Variants in OSBPL8 observed in about 807,000 individuals in gnomAD.
The protein encoded by OSBPL8 is oxysterol binding protein like 8.
Under a neutral mutation model 125.5 loss-of-function variants are expected in OSBPL8, and 59 were observed. The observed-to-expected ratio is 0.47, with a 90% CI of 0.38 to 0.58. The LOEUF is 0.58. OSBPL8 is among the 20% of genes least tolerant of loss of function. The pLI, the probability that OSBPL8 is intolerant of heterozygous loss-of-function variation, is 0.00. For synonymous variants in OSBPL8, 330 were observed against 338.9 expected, an observed-to-expected ratio of 0.97 and a Z score of 0.29; for missense variants, 758 against 1,047.8, an observed-to-expected ratio of 0.72 and a Z score of 3.82.
intron 1 of OSBPL8, among the ~76,000 whole-genome samples, chr12:76,505,820 A>G (rs1880356938): frequency 1.3e-5 from 2 of 152,216 alleles, no homozygotes; most frequent in African/African-American, 4.8e-5. Context: ...ACAGAAATGT[A>G]ACTAAGCTGC....
At chr12:76,365,254 A>G (rs1050815479) in intron 21 of OSBPL8, among the ~76,000 whole-genome samples, 1 of 152,138 alleles carries the variant, frequency 6.6e-6, no homozygotes, top group African/African-American at 2.4e-5. Context: ...AATCTTAACA[A>G]TATTAACCTT....
At chr12:76,490,251 C>T (rs561395905) in intron 1 of OSBPL8, among the ~76,000 whole-genome samples, 1 of 152,304 alleles carries the variant, frequency 6.6e-6, no homozygotes, top group African/African-American at 2.4e-5. Flanking sequence ...ACGGCAGGTC[C>T]CTGGCAAAAG....
At chr12:76,491,083 C>T (rs1469677715) in intron 1 of OSBPL8, among the ~76,000 whole-genome samples, 1 of 152,212 alleles carries the variant, frequency 6.6e-6, no homozygotes, top group Non-Finnish European at 1.5e-5. Flanking sequence ...ACGTTGTTCA[C>T]TCACTCACTC....
At chr12:76,432,089 T>C (rs1870902601) in intron 4 of OSBPL8, among the ~76,000 whole-genome samples, 1 of 152,154 alleles carries the variant, frequency 6.6e-6, no homozygotes, top group Non-Finnish European at 1.5e-5. Flanking sequence ...TACTTACTGT[T>C]AAGTAATCGA....
At position 76,511,168 on chromosome 12, in the gene OSBPL8, G is replaced by A. The variant is rs75595474; in HGVS notation, c.-67-23550C>T. On this transcript the variant is annotated intron_variant, in intron 1 of 23. Transcript: ENST00000261183. ...CAGATTAGGCATTTAGGTTGATTCC[G>A]TGTCTTCGCCATTATGAACAGCACT... is the stretch of plus-strand genomic sequence containing the variant. Among the ~76,000 whole-genome samples the A allele has an allele frequency of 3.5e-3, 538 of 152,292 alleles. 7 individuals are homozygous for A. The East Asian group carries it at 0.042, about 12-fold the overall frequency.
In OSBPL8 at chr12:76,450,983, C is replaced by T; in HGVS notation, c.85G>A (p.Val29Ile). The T allele has an allele frequency of 6.2e-7, 1 of 1,612,466 alleles. No homozygotes were observed. The highest frequency in any genetic ancestry group is 8.5e-7 in the Non-Finnish European group (1 of 1,179,394). The change falls in exon 4 of 24, where the codon GTA becomes ATA. Residue 29 changes from valine (V) to isoleucine (I), a missense_variant. Physicochemically the swap from Val to Ile is conservative, Grantham distance 29. Transcript: ENST00000261183. ...SKDVLGPSTV[V>I]ANSDESQLLT... The stretch of plus-strand genomic sequence containing the variant: ...AGCTGAGATTCGTCACTGTTTGCTA[C>T]AACAGCTCAAGGAAAGAAGGGAAAA...
At chr12:76,403,451 G>A (rs1392758333) in intron 5 of OSBPL8, among the ~76,000 whole-genome samples, 1 of 152,098 alleles carries the variant, frequency 6.6e-6, no homozygotes, top group Non-Finnish European at 1.5e-5. Context: ...TCATGAAAGG[G>A]AAGCTCAGGA....
At chr12:76,558,677 T>C (rs1951182860) in intron 1 of OSBPL8, among the ~76,000 whole-genome samples, 1 of 152,222 alleles carries the variant, frequency 6.6e-6, no homozygotes, top group African/African-American at 2.4e-5. Flanking sequence ...CGCAGATGTG[T>C]CTCATAAAGA....
chr12:76,372,150 C>T (rs1274515922), intron 18 of OSBPL8, among the ~76,000 whole-genome samples: 1 of 152,042 alleles, frequency 6.6e-6, no homozygotes, highest in Non-Finnish European at 1.5e-5. Context: ...AATTTATCTA[C>T]CTGTTTAACC....
chr12:76,386,310 G>T, intron 13 of OSBPL8, 44 bp from the exon 14 acceptor site: 2 of 1,557,430 alleles, frequency 1.3e-6, no homozygotes, highest in South Asian at 2.4e-5. Context: ...CAAATACAAA[G>T]GATTCAAAAT....
rs540811072 is a variant in OSBPL8, at chr12:76,530,248, A to G, written c.-68+29149T>C. 3.5e-5 allele frequency among the ~76,000 whole-genome samples: 5 copies of G among 141,144 alleles called. No individual in the cohort carries two copies. In the South Asian group the frequency reaches 1.1e-3, roughly 32 times the overall value. 92.6% of individuals were successfully genotyped at this position (141,144 alleles called of 152,430 possible). ...TTTTTTTTTTTTTTTTTTTGTAGAA[A>G]AGTCTCACTATGTTGCCAAGGCTGG... On this transcript the variant is annotated intron_variant, in intron 1 of 23. Transcript: ENST00000261183.
chr12:76,422,769 A>C, intron 4 of OSBPL8: 2 of 342,798 alleles, frequency 5.8e-6, no homozygotes, highest in South Asian at 2.4e-5. Flanking sequence ...ACAAACAAAG[A>C]ACACACACAT....
At position 76,542,935 on chromosome 12, in the gene OSBPL8, A is replaced by G. The variant is rs139449080; in HGVS notation, c.-68+16462T>C. Among the ~76,000 whole-genome samples the G allele has an allele frequency of 1.5e-3, 226 of 152,286 alleles. 1 individual carries two copies. In the Middle Eastern group the frequency reaches 0.02, roughly 14 times the overall value. The stretch of plus-strand genomic sequence containing the variant: ...AAAGCCCAAGTTCCTTGATCTTCCA[A>G]AATCTTTAAACAAGATGTTCTGCGA... On this transcript the variant is annotated intron_variant, in intron 1 of 23. Transcript: ENST00000261183.
At chr12:76,442,264 T>G (rs2136666717) in intron 4 of OSBPL8, among the ~76,000 whole-genome samples, 1 of 152,312 alleles carries the variant, frequency 6.6e-6, no homozygotes, top group South Asian at 2.1e-4. Context: ...TTTCAGTTTC[T>G]CCTGTAGGAA....
chr12:76,429,046 G>T (rs1178048990), intron 4 of OSBPL8, among the ~76,000 whole-genome samples: 4 of 152,016 alleles, frequency 2.6e-5, no homozygotes, highest in African/African-American at 9.7e-5. Flanking sequence ...TTACATGGCT[G>T]CAAATTATAC....
rs1951942415 is a variant in OSBPL8 at position 76,355,278 on chromosome 12, TTAAAA to T, written c.*606_*610del. On this transcript the variant is annotated 3_prime_UTR_variant, in exon 24 of 24. Transcript: ENST00000261183. ...GGTTAAAAAAAACTTATGTAAACTT[TTAAAA>T]AAGCAATTTGCCATTTATCTCTCTC... 1 of 152,552 alleles carries T rather than the reference TTAAAA, an allele frequency of 6.6e-6. No individual in the cohort carries two copies. The highest frequency in any genetic ancestry group is 1.5e-5 in the Non-Finnish European group (1 of 67,958). The allele number at this position is 152,552 out of a possible 1,614,324, so 9.4% of individuals were successfully genotyped here.
chr12:76,471,909 C>T (rs1256191961), intron 2 of OSBPL8, among the ~76,000 whole-genome samples: 3 of 152,206 alleles, frequency 2.0e-5, no homozygotes, highest in Non-Finnish European at 2.9e-5. Flanking sequence ...TTCCTTTCAA[C>T]ACTCAGGTTA....
intron 1 of OSBPL8, among the ~76,000 whole-genome samples, chr12:76,555,641 T>A (rs1351746535): frequency 6.6e-6 from 1 of 152,202 alleles, no homozygotes. Flanking sequence ...AACTTTGTTC[T>A]CCCAACGATC....
chr12:76,482,877 T>A (rs147865941), intron 2 of OSBPL8, among the ~76,000 whole-genome samples: 21 of 152,314 alleles, frequency 1.4e-4, no homozygotes, highest in African/African-American at 5.1e-4. Context: ...ATCTATACTT[T>A]TTAGTACCTG....
Sources: allele counts gnomAD v4.1 joint callset (sites outside exome capture counted in the v4.1 genomes callset), GRCh38; gene constraint gnomAD v4.1.1; transcripts MANE v1.5; gene names NCBI Gene and HGNC (gene_info 2026-07-23, HGNC 2026-07-21).